The following CSTF2T variants were observed in gnomAD, a reference collection of about 807,000 sequenced individuals.
The protein encoded by CSTF2T is CF-1 64 kDa subunit tau.
A neutral mutation model predicts 39.9 loss-of-function variants in CSTF2T; 18 were observed. The observed-to-expected ratio is 0.45, with a 90% confidence interval of 0.31 to 0.67. The LOEUF is 0.67. Among genes scored for constraint, CSTF2T ranks in the 30% least tolerant of loss-of-function variants. The probability of loss-of-function intolerance (pLI) is 0.06; values close to 1 mark genes in which losing one functional copy is unlikely to be tolerated. For missense variants in CSTF2T, 681 were observed against 789.0 expected (o/e 0.86, Z 1.64); for synonymous variants, 291 against 276.4 (o/e 1.05, Z -0.52).
In CSTF2T at chr10:51,696,429, G is replaced by A. The variant is rs1172819409; in HGVS notation, c.*1270C>T. On this transcript the variant is annotated 3_prime_UTR_variant, in exon 1 of 1. Transcript: ENST00000331173. The stretch of plus-strand genomic sequence containing the variant: ...ACTAGTCCCTAGACACTGATTTTTG[G>A]GAAGGATGTAAGAGAATTACTGACT... The A allele has an allele frequency of 6.6e-6, 1 of 151,848 alleles. No homozygotes were observed. The highest frequency in any genetic ancestry group is 2.4e-5 in the African/African-American group (1 of 41,322). The allele number at this position is 151,848 out of a possible 1,614,324, so 9.4% of individuals were successfully genotyped here. A position where few individuals can be genotyped will look rare whatever the true frequency, so the allele number is the denominator to read the frequency against.
In CSTF2T at chr10:51,699,366, A is replaced by T. The variant is rs1274575575; in HGVS notation, c.184T>A (p.Cys62Ser). The change falls in exon 1 of 1, where the codon TGC becomes AGC. Residue 62 changes from cysteine (C) to serine (S), a missense_variant. Coordinates refer to ENST00000331173, the MANE Select transcript of CSTF2T (RefSeq NM_015235.3). ...ETGKPKGYGF[C>S]EYQDQETALS... ...GCGGTCTCCTGGTCTTGGTATTCGC[A>T]GAAGCCATAGCCCTTGGGTTTTCCC... is the stretch of plus-strand genomic sequence containing the variant. 6.2e-7 allele frequency: 1 copy of T among 1,614,154 alleles called. No homozygotes were observed. The highest frequency in any genetic ancestry group is 1.3e-5 in the African/African-American group (1 of 75,038).
rs1841344174 is a variant in CSTF2T, at chr10:51,697,943, A to ATACCTC, written c.1606_1607insGAGGTA (p.Val536delinsGlyGlyIle). 6.3e-7 allele frequency: 1 copy of ATACCTC among 1,596,646 alleles called. No individual in the cohort carries two copies. Among genetic ancestry groups the ATACCTC allele is most frequent in the African/African-American group, 1.4e-5 (1 of 73,788 alleles). On this transcript the variant is annotated protein_altering_variant, in exon 1 of 1. Transcript: ENST00000331173. Reference sequence around the variant, plus strand: ...TTGTATACCTCCTCCTTGTATACTGACTCCTTGTATGCCTGCCCCCTGCAT... The same window carrying ATACCTC: ...TTGTATACCTCCTCCTTGTATACTGATACCTCCTCCTTGTATGCCTGCCCCCTGCAT...
Position 51,698,444 on chromosome 10 carries a change from C to G in CSTF2T, c.1106G>C (p.Gly369Ala). 6.2e-7 allele frequency: 1 copy of G among 1,614,120 alleles called. No individual in the cohort carries two copies. The highest frequency in any genetic ancestry group is 1.1e-5 in the South Asian group (1 of 91,080). ...HQGPPMHHAS[G>A]HDTRGPSSHE... ...TGAGGAAGGGCCACGAGTGTCATGA[C>G]CAGAGGCATGATGCATGGGGGGACC... The change falls in exon 1 of 1, where the codon GGT becomes GCT. Residue 369 changes from glycine (G) to alanine (A), a missense_variant. Coordinates refer to ENST00000331173, the MANE Select transcript of CSTF2T (RefSeq NM_015235.3).
rs1841399946 is a variant in CSTF2T at position 51,699,330 on chromosome 10, T to A, written c.220A>T (p.Met74Leu). The A allele has an allele frequency of 1.2e-6, 2 of 1,614,068 alleles. No individual in the cohort carries two copies. The highest frequency in any genetic ancestry group is 1.7e-5 in the Admixed American group (1 of 60,004). The change falls in exon 1 of 1, where the codon ATG becomes TTG. Residue 74 changes from methionine (M) to leucine (L), a missense_variant. Met to Leu is a conservative substitution (Grantham distance 15, BLOSUM62 2). Transcript: ENST00000331173. ...YQDQETALSA[M>L]RNLNGREFSG... ...AACTCCCGCCCATTGAGGTTCCGCA[T>A]GGCACTAAGCGCGGTCTCCTGGTCT...
rs1368868982 is a variant in CSTF2T, at chr10:51,696,076, T to C, written c.*1623A>G. On this transcript the variant is annotated 3_prime_UTR_variant, in exon 1 of 1. Coordinates refer to ENST00000331173, the MANE Select transcript of CSTF2T (RefSeq NM_015235.3). Reference sequence around the variant, plus strand: ...AACCAATTTTTAATTGTCTCATTGGTATGTATATTAGGACTAAATGGCTGT... The same window carrying C: ...AACCAATTTTTAATTGTCTCATTGGCATGTATATTAGGACTAAATGGCTGT... 7 of 152,282 alleles carry C rather than the reference T, an allele frequency of 4.6e-5. No individual in the cohort carries two copies. The East Asian group carries it at 1.4e-3, about 29-fold the overall frequency. The allele number at this position is 152,282 out of a possible 1,614,324, so 9.4% of individuals were successfully genotyped here. A position where few individuals can be genotyped will look rare whatever the true frequency, so the allele number is the denominator to read the frequency against.
At position 51,697,598 on chromosome 10, in the gene CSTF2T, C is replaced by A. The variant is rs1841332327; in HGVS notation, c.*101G>T. 8 of 1,141,986 alleles carry A rather than the reference C, an allele frequency of 7.0e-6. No individual in the cohort carries two copies. Among genetic ancestry groups the A allele is most frequent in the Non-Finnish European group, 7.6e-6 (6 of 789,054 alleles). 70.7% of individuals were successfully genotyped at this position (1,141,986 alleles called of 1,614,324 possible). On this transcript the variant is annotated 3_prime_UTR_variant, in exon 1 of 1. Transcript: ENST00000331173. ...AGATTAGGTTCTAGGAGGAGGGAAACCCTAATCCAAGTGTGGGGATACAGA... is the reference window on the plus strand; with the variant it reads ...AGATTAGGTTCTAGGAGGAGGGAAAACCTAATCCAAGTGTGGGGATACAGA...
Position 51,698,187 on chromosome 10 carries a change from C to A in CSTF2T, c.1363G>T (p.Ala455Ser), listed in dbSNP as rs1347303016. Residue 455 changes from alanine to serine, a missense_variant, in exon 1 of 1, where the codon GCA becomes TCA. Coordinates refer to ENST00000331173, the MANE Select transcript of CSTF2T (RefSeq NM_015235.3). ...GGGCCCCTCATCTCCAATCCTCTTG[C>A]ATCCATGCCCCTTGCTTCCATCCCT... ...TRGMEARGMDARGLEMRGPVP... is the reference protein window; with the variant it reads ...TRGMEARGMDSRGLEMRGPVP... 6.2e-6 allele frequency: 10 copies of A among 1,614,046 alleles called. No homozygotes were observed. The highest frequency in any genetic ancestry group is 8.5e-6 in the Non-Finnish European group (10 of 1,180,046).
Position 51,698,751 on chromosome 10 carries a change from G to A in CSTF2T, c.799C>T (p.Pro267Ser). The change falls in exon 1 of 1, where the codon CCA becomes TCA. Residue 267 changes from proline to serine, a missense_variant. Physicochemically the swap from Pro to Ser is moderately conservative, Grantham distance 74 (BLOSUM62 -1). Coordinates refer to ENST00000331173, the MANE Select transcript of CSTF2T (RefSeq NM_015235.3). The part of the protein sequence containing the change: ...PIQGGIPAPG[P>S]IPAAVPGAGP... ...GCTCCGGGAACTGCAGCTGGTATTG[G>A]CCCTGGAGCTGGAATTCCACCCTGG... is the stretch of plus-strand genomic sequence containing the variant. 1.9e-6 allele frequency: 3 copies of A among 1,614,184 alleles called. No individual in the cohort carries two copies. The highest frequency in any genetic ancestry group is 2.5e-6 in the Non-Finnish European group (3 of 1,180,030).
chr10:51,698,288 C>A lies in CSTF2T; in HGVS notation c.1262G>T (p.Arg421Leu), dbSNP rs771847513. 1.9e-6 allele frequency: 3 copies of A among 1,614,132 alleles called. No homozygotes were observed. The highest frequency in any genetic ancestry group is 2.2e-5 in the East Asian group (1 of 44,864). ...GGRDSRAMET[R>L]AMETEVLETR... is the part of the protein sequence containing the mutation. ...CTCTAAGACCTCAGTTTCCATGGCACGAGTCTCCATCGCTCGAGAATCTCT... is the reference window on the plus strand; with the variant it reads ...CTCTAAGACCTCAGTTTCCATGGCAAGAGTCTCCATCGCTCGAGAATCTCT... Residue 421 changes from arginine (R) to leucine (L), a missense_variant, in exon 1 of 1, where the codon CGT becomes CTT. By Grantham distance (102) the Arg-to-Leu change is moderately radical (BLOSUM62 -2). This residue lies in a region of CSTF2T where 282 missense variants were observed against 289.2 expected (regional missense o/e 0.98). Coordinates refer to ENST00000331173, the MANE Select transcript of CSTF2T (RefSeq NM_015235.3).
Position 51,696,612 on chromosome 10 carries a change from A to AGGGT in CSTF2T, c.*1083_*1086dup, listed in dbSNP as rs1841299612. On this transcript the variant is annotated 3_prime_UTR_variant, in exon 1 of 1. Transcript: ENST00000331173. The stretch of plus-strand genomic sequence containing the variant: ...CTGGCAGAACCTTGCTGGTCTCTGT[A>AGGGT]GGGTGGGATAAGTGAAGCAACATTA... The AGGGT allele has an allele frequency of 1.3e-5, 2 of 152,140 alleles. No homozygotes were observed. The highest frequency in any genetic ancestry group is 2.1e-4 in the South Asian group (1 of 4,816). 9.4% of individuals were successfully genotyped at this position (152,140 alleles called of 1,614,324 possible).
rs1038607249 is a variant in CSTF2T at position 51,696,540 on chromosome 10, T to C, written c.*1159A>G. The stretch of plus-strand genomic sequence containing the variant: ...ATCAGAGCAGACTTAAGTAGCCTGG[T>C]TGATTTTAGATTTGTCACAGCAAAA... On this transcript the variant is annotated 3_prime_UTR_variant, in exon 1 of 1. Transcript: ENST00000331173. 2.0e-5 allele frequency: 3 copies of C among 152,118 alleles called. No individual in the cohort carries two copies. Among genetic ancestry groups the C allele is most frequent in the South Asian group, 4.1e-4 (2 of 4,828 alleles). The allele number at this position is 152,118 out of a possible 1,614,324, so 9.4% of individuals were successfully genotyped here.
At position 51,699,030 on chromosome 10, in the gene CSTF2T, G is replaced by C; in HGVS notation, c.520C>G (p.Gln174Glu). 1 of 1,614,240 alleles carries C rather than the reference G, an allele frequency of 6.2e-7. No homozygotes were observed. The highest frequency in any genetic ancestry group is 1.1e-5 in the South Asian group (1 of 91,090). ...QNPQLAYALL[Q>E]AQVVMRIMDP... ...ATGATTCTCATCACTACTTGTGCCT[G>C]CAACAGTGCATAAGCCAGTTGTGGA... The change falls in exon 1 of 1, where the codon CAG becomes GAG. Residue 174 changes from glutamine to glutamate, a missense_variant. Transcript: ENST00000331173.
chr10:51,697,665 T>A lies in CSTF2T; in HGVS notation c.*34A>T, dbSNP rs1841334205. The A allele has an allele frequency of 6.2e-7, 1 of 1,605,444 alleles. No homozygotes were observed. Among genetic ancestry groups the A allele is most frequent in the South Asian group, 1.1e-5 (1 of 90,114 alleles). On this transcript the variant is annotated 3_prime_UTR_variant, in exon 1 of 1. Transcript: ENST00000331173. Reference sequence around the variant, plus strand: ...CCATTCTCCATGCTACAGAATAAAATTTGAGACTACAGCCAAATATTTTCT... The same window carrying A: ...CCATTCTCCATGCTACAGAATAAAAATTGAGACTACAGCCAAATATTTTCT...
Position 51,696,998 on chromosome 10 carries a change from AT to A in CSTF2T, c.*700del, listed in dbSNP as rs1841311604. 1 of 151,436 alleles carries A rather than the reference AT, an allele frequency of 6.6e-6. No individual in the cohort carries two copies. The highest frequency in any genetic ancestry group is 1.5e-5 in the Non-Finnish European group (1 of 67,884). The allele number at this position is 151,436 out of a possible 1,614,324, so 9.4% of individuals were successfully genotyped here. A position where few individuals can be genotyped will look rare whatever the true frequency, so the allele number is the denominator to read the frequency against. ...ATCTTAGAATTGTCACAGCAAAATC[AT>A]CATGCTCAGATGCTTGGGGCCTGGC... is the stretch of plus-strand genomic sequence containing the variant. On this transcript the variant is annotated 3_prime_UTR_variant, in exon 1 of 1. Coordinates refer to ENST00000331173, the MANE Select transcript of CSTF2T (RefSeq NM_015235.3).
chr10:51,699,147 G>A lies in CSTF2T; in HGVS notation c.403C>T (p.Leu135Phe). The change falls in exon 1 of 1, where the codon CTC becomes TTC. Residue 135 changes from leucine to phenylalanine, a missense_variant. Leu to Phe is a conservative substitution (Grantham distance 22). This residue lies in a region of CSTF2T where 329 missense variants were observed against 344.1 expected (regional missense o/e 0.96). Coordinates refer to ENST00000331173, the MANE Select transcript of CSTF2T (RefSeq NM_015235.3). Reference protein sequence around the residue: ...PESITRAVASLPPEQMFELMK... With the variant: ...PESITRAVASFPPEQMFELMK... ...AGCTCAAACATCTGCTCCGGGGGGA[G>A]ACTGGCTACTGCTCTGGTAATCGAT... The A allele has an allele frequency of 1.2e-6, 2 of 1,614,182 alleles. No individual in the cohort carries two copies. Among genetic ancestry groups the A allele is most frequent in the Non-Finnish European group, 1.7e-6 (2 of 1,180,018 alleles).
At position 51,698,454 on chromosome 10, in the gene CSTF2T, G is replaced by A. The variant is rs766879975; in HGVS notation, c.1096C>T (p.His366Tyr). 2 of 1,614,176 alleles carry A rather than the reference G, an allele frequency of 1.2e-6. No individual in the cohort carries two copies. The highest frequency in any genetic ancestry group is 2.2e-5 in the East Asian group (1 of 44,850). The change falls in exon 1 of 1, where the codon CAT (histidine) becomes TAT (tyrosine). Residue 366 changes from histidine (H) to tyrosine (Y), a missense_variant. Transcript: ENST00000331173. The part of the protein sequence containing the change: ...GPPHQGPPMH[H>Y]ASGHDTRGPS... ...CCACGAGTGTCATGACCAGAGGCAT[G>A]ATGCATGGGGGGACCCTGATGGGGT...
Position 51,697,476 on chromosome 10 carries a change from T to C in CSTF2T, c.*223A>G. On this transcript the variant is annotated 3_prime_UTR_variant, in exon 1 of 1. Coordinates refer to ENST00000331173, the MANE Select transcript of CSTF2T (RefSeq NM_015235.3). The stretch of plus-strand genomic sequence containing the variant: ...TAATATAATCATGTTCAGAGTTATT[T>C]TAAAGTAACTTAAAGTGAACAGACG... 1 of 555,442 alleles carries C rather than the reference T, an allele frequency of 1.8e-6. No individual in the cohort carries two copies. Among genetic ancestry groups the C allele is most frequent in the Non-Finnish European group, 3.2e-6 (1 of 315,634 alleles). The allele number at this position is 555,442 out of a possible 1,614,324, so 34.4% of individuals were successfully genotyped here.
rs1841313418 is a variant in CSTF2T, at chr10:51,697,066, C to CAGTA, written c.*629_*632dup. ...CTGAAGGATGGGATAAATGAAGCAA[C>CAGTA]AGTAAATCAGGTGCACTCCTTGATT... On this transcript the variant is annotated 3_prime_UTR_variant, in exon 1 of 1. Transcript: ENST00000331173. The CAGTA allele has an allele frequency of 6.6e-6, 1 of 152,164 alleles. No homozygotes were observed. The highest frequency in any genetic ancestry group is 2.1e-4 in the South Asian group (1 of 4,832). 9.4% of individuals were successfully genotyped at this position (152,164 alleles called of 1,614,324 possible).
Position 51,699,304 on chromosome 10 carries a change from G to T in CSTF2T, c.246C>A (p.Phe82Leu). ...SAMRNLNGRE[F>L]SGRALRVDNA... ...TGTCCACCCGAAGCGCTCTCCCACT[G>T]AACTCCCGCCCATTGAGGTTCCGCA... Residue 82 changes from phenylalanine to leucine, a missense_variant, in exon 1 of 1, where the codon TTC becomes TTA. By Grantham distance (22) the Phe-to-Leu change is conservative (BLOSUM62 0). Around this residue, in one of 4 missense-constraint regions of CSTF2T, gnomAD observed 65 missense variants for 134.2 expected, o/e 0.48. Transcript: ENST00000331173. 1 of 1,614,036 alleles carries T rather than the reference G, an allele frequency of 6.2e-7. No homozygotes were observed. Among genetic ancestry groups the T allele is most frequent in the South Asian group, 1.1e-5 (1 of 91,074 alleles).
Sources: gnomAD v4.1 joint callset for allele counts on GRCh38, gnomAD v4.1.1 for gene constraint, gnomAD v4.1.1 regional missense constraint, MANE v1.5 for transcripts, NCBI Gene and HGNC (gene_info 2026-07-23, HGNC 2026-07-21) for gene names.